The following CUBN variants were observed in gnomAD, a reference collection of about 807,000 sequenced individuals.
CUBN encodes 460 kDa receptor.
In CUBN, 282 loss-of-function variants were observed where a neutral mutation model predicts 405.3. The observed-to-expected ratio is 0.70, with a 90% confidence interval of 0.63 to 0.77. CUBN has a LOEUF of 0.77. CUBN is among the 30% of genes least tolerant of loss of function. CUBN has a pLI of 0.00. For missense variants in CUBN, 4,514 were observed against 4,475.2 expected, an observed-to-expected ratio of 1.01 and a Z score of -0.25; for synonymous variants, 1,684 against 1,617.0, an observed-to-expected ratio of 1.04 and a Z score of -0.99.
intron 54 of CUBN, among the ~76,000 whole-genome samples, chr10:16,891,741 A>G (rs1441178196): frequency 6.6e-6 from 1 of 152,140 alleles, no homozygotes; most frequent in Non-Finnish European, 1.5e-5. Flanking sequence ...CATTAAACAT[A>G]TTAACCAGAG....
intron 56 of CUBN, among the ~76,000 whole-genome samples, chr10:16,884,794 C>G (rs1294733127): frequency 1.3e-5 from 2 of 152,156 alleles, no homozygotes; most frequent in African/African-American, 2.4e-5. Flanking sequence ...TATTTTGTAG[C>G]CTGGGATACC....
intron 54 of CUBN, among the ~76,000 whole-genome samples, chr10:16,892,265 G>C (rs1877479): frequency 0.53 from 80,263 of 151,790 alleles, 22,669 homozygotes; most frequent in Middle Eastern, 0.65. Flanking sequence ...GATAAGGGAG[G>C]TGCCTGGCGC....
At chr10:17,033,099 G>A (rs1157143446) in intron 27 of CUBN, among the ~76,000 whole-genome samples, 2 of 152,124 alleles carry the variant, frequency 1.3e-5, no homozygotes, top group African/African-American at 2.4e-5. Context: ...TTTTAAAAGT[G>A]CAGATCTGAC....
In CUBN at chr10:16,961,886, G is replaced by A. The variant is rs930281968; in HGVS notation, c.4696-7338C>T. On this transcript the variant is annotated intron_variant, in intron 31 of 66. Coordinates refer to ENST00000377833, the MANE Select transcript of CUBN (RefSeq NM_001081.4). The stretch of plus-strand genomic sequence containing the variant: ...GCCACTACGCCTGGCTAATTTTTTT[G>A]TATTTTCAGTAGAGACAAGGTTTCA... Among the ~76,000 whole-genome samples, 54 of 151,984 alleles carry A rather than the reference G, an allele frequency of 3.6e-4. 1 individual carries two copies. The Middle Eastern group carries it at 0.01, about 29-fold the overall frequency.
chr10:16,832,762 T>G (rs898985427), intron 64 of CUBN, among the ~76,000 whole-genome samples: 5 of 152,078 alleles, frequency 3.3e-5, no homozygotes, highest in Non-Finnish European at 7.4e-5. Flanking sequence ...GGTGAAGGCA[T>G]GAAAACAGAT....
rs1841587337 is a variant in CUBN at position 16,907,529 on chromosome 10, A to G, written c.7684T>C (p.Tyr2562His). ...TTACCTGCATCTTCACTGGAGGTAT[A>G]GGAAGCAGTGAAGCCGCCATATGGC... ...SRPYGGFTASYTSSEDAVCGG... is the reference protein window; with the variant it reads ...SRPYGGFTASHTSSEDAVCGG... The change falls in exon 49 of 67, where the codon TAT (tyrosine) becomes CAT (histidine). Residue 2562 changes from tyrosine (Y) to histidine (H), a missense_variant. This residue lies in a region of CUBN where 1,613 missense variants were observed against 1,542.8 expected (regional missense o/e 1.05). Transcript: ENST00000377833. 6.2e-7 allele frequency: 1 copy of G among 1,614,062 alleles called. No homozygotes were observed. The highest frequency in any genetic ancestry group is 1.3e-5 in the African/African-American group (1 of 74,928).
In CUBN at chr10:17,110,959, C is replaced by A; in HGVS notation, c.975G>T (p.Val325=). ...GGCAGTGGGAAGACCCAGGTGTATTCACACACTCAACGGGTGGAGCCACAG... is the reference window on the plus strand; with the variant it reads ...GGCAGTGGGAAGACCCAGGTGTATTAACACACTCAACGGGTGGAGCCACAG... ...GCSVAPPVEC[V]NTPGSSHCQA... The change falls in exon 9 of 67, where the codon GTG becomes GTT. Residue 325 remains valine (V), a synonymous_variant. Transcript: ENST00000377833. The A allele has an allele frequency of 6.2e-7, 1 of 1,614,182 alleles. No homozygotes were observed. Among genetic ancestry groups the A allele is most frequent in the Non-Finnish European group, 8.5e-7 (1 of 1,180,022 alleles).
At chr10:17,044,154 T>A (rs1835072848) in intron 25 of CUBN, among the ~76,000 whole-genome samples, 171 bp from the exon 26 acceptor site, 1 of 147,022 alleles carries the variant, frequency 6.8e-6, no homozygotes, top group Non-Finnish European at 1.5e-5. Flanking sequence ...TTATATATAA[T>A]ATATTTATAA....
At chr10:16,929,451 A>G (rs1332948204) in intron 40 of CUBN, among the ~76,000 whole-genome samples, 2 of 152,232 alleles carry the variant, frequency 1.3e-5, no homozygotes, top group African/African-American at 4.8e-5. Context: ...AAACAAAAAT[A>G]GAATATGAGA....
At chr10:17,107,137 A>T (rs1836653601) in intron 10 of CUBN, among the ~76,000 whole-genome samples, 1 of 152,206 alleles carries the variant, frequency 6.6e-6, no homozygotes, top group Non-Finnish European at 1.5e-5. Flanking sequence ...ACATGAGGTA[A>T]TAGCTAACAA....
intron 28 of CUBN, among the ~76,000 whole-genome samples, chr10:17,006,938 C>T (rs976242964): frequency 6.6e-6 from 1 of 152,184 alleles, no homozygotes; most frequent in Admixed American, 6.5e-5. Flanking sequence ...ACATCACCTC[C>T]TGATCACATG....
chr10:17,056,442 T>C (rs953685843), intron 22 of CUBN, among the ~76,000 whole-genome samples: 2 of 151,944 alleles, frequency 1.3e-5, no homozygotes, highest in Non-Finnish European at 2.9e-5. Flanking sequence ...AACCCGTCTC[T>C]ACTAAAAATA....
intron 58 of CUBN, among the ~76,000 whole-genome samples, chr10:16,872,796 C>T (rs914618292): frequency 3.3e-5 from 5 of 152,230 alleles, no homozygotes; most frequent in Admixed American, 6.5e-5. Context: ...TACACTTTCA[C>T]GCCTGTGCAG....
In CUBN at chr10:16,825,098, A is replaced by C; in HGVS notation, c.10765-16T>G. On this transcript the variant is annotated splice_polypyrimidine_tract_variant and intron_variant, in intron 66 of 66. Coordinates refer to ENST00000377833, the MANE Select transcript of CUBN (RefSeq NM_001081.4). ...TGCTGGTGTCCTAAAATTGAAAAAAAAAGTATCCAATTATATATTTCACAT... is the reference window on the plus strand; with the variant it reads ...TGCTGGTGTCCTAAAATTGAAAAAACAAGTATCCAATTATATATTTCACAT... 2 of 1,561,544 alleles carry C rather than the reference A, an allele frequency of 1.3e-6. No individual in the cohort carries two copies. Among genetic ancestry groups the C allele is most frequent in the Non-Finnish European group, 1.8e-6 (2 of 1,133,828 alleles).
chr10:16,945,210 A>G (rs529145527), intron 36 of CUBN, among the ~76,000 whole-genome samples: 3 of 152,252 alleles, frequency 2.0e-5, no homozygotes, highest in East Asian at 1.9e-4. Context: ...ACCAAAAAAA[A>G]AAATCATTTT....
chr10:16,827,698 C>T (rs1272186541), intron 66 of CUBN, among the ~76,000 whole-genome samples: 1 of 152,188 alleles, frequency 6.6e-6, no homozygotes, highest in East Asian at 1.9e-4. Context: ...GCCTCCCTGG[C>T]TCAAGCAATT....
chr10:17,029,441 C>A (rs148336362), intron 27 of CUBN, among the ~76,000 whole-genome samples: 20 of 152,344 alleles, frequency 1.3e-4, no homozygotes, highest in Middle Eastern at 3.4e-3. Flanking sequence ...CTCAACGACA[C>A]TACAAAGCAT....
intron 28 of CUBN, among the ~76,000 whole-genome samples, chr10:17,001,015 C>G (rs11597761): frequency 6.6e-6 from 1 of 151,906 alleles, no homozygotes. Context: ...CAGATGTGTC[C>G]GGAGTTTCTT....
At chr10:17,021,585 T>C (rs1834503186) in intron 27 of CUBN, among the ~76,000 whole-genome samples, 1 of 152,246 alleles carries the variant, frequency 6.6e-6, no homozygotes, top group Non-Finnish European at 1.5e-5. Flanking sequence ...TTTGCACGTG[T>C]CCGTGCATAA....
Sources: allele counts gnomAD v4.1 joint callset (sites outside exome capture counted in the v4.1 genomes callset), GRCh38; gene constraint gnomAD v4.1.1; regional missense constraint gnomAD v4.1.1; transcripts MANE v1.5; gene names NCBI Gene and HGNC (gene_info 2026-07-23, HGNC 2026-07-21).